TEX2: variants seen among roughly 807,000 people sequenced by gnomAD.
TEX2 encodes testis expressed 2.
Under a neutral mutation model 106.9 loss-of-function variants are expected in TEX2, and 53 were observed. The observed-to-expected ratio is 0.50, with a 90% CI of 0.40 to 0.62. The LOEUF (loss-of-function observed/expected upper bound fraction) is 0.62. Among genes scored for constraint, TEX2 ranks in the 20% least tolerant of loss-of-function variants. The pLI is 0.00. For synonymous variants in TEX2, 523 were observed against 534.8 expected, an observed-to-expected ratio of 0.98 and a Z score of 0.30; for missense variants, 1,207 against 1,379.0, an observed-to-expected ratio of 0.88 and a Z score of 1.98.
rs374473284 is a variant in TEX2 at position 64,148,933 on chromosome 17, C to T, written c.*36G>A. 3.5e-5 allele frequency: 57 copies of T among 1,612,422 alleles called. No individual in the cohort carries two copies. Among genetic ancestry groups the T allele is most frequent in the Admixed American group, 8.3e-5 (5 of 59,936 alleles). On this transcript the variant is annotated 3_prime_UTR_variant, in exon 12 of 12. Transcript: ENST00000584379. ...GGCCAAGAACCCCACACATCCAGCT[C>T]GATGTCACAATATGGGGAACATCTG...
chr17:64,160,945 G>A lies in TEX2; in HGVS notation c.2672-12C>T, dbSNP rs560839965. 5.6e-5 allele frequency: 90 copies of A among 1,601,558 alleles called. No homozygotes were observed. In the South Asian group the frequency reaches 9.3e-4, roughly 17 times the overall value. On this transcript the variant is annotated splice_polypyrimidine_tract_variant and intron_variant, in intron 7 of 11. Transcript: ENST00000584379. ...ATCAATCCAGAGTCCTGGAGAAATGGTGAAAAAACAGAAGGTTTTTTTCCC... is the reference window on the plus strand; with the variant it reads ...ATCAATCCAGAGTCCTGGAGAAATGATGAAAAAACAGAAGGTTTTTTTCCC...
At chr17:64,177,616 C>A in intron 5 of TEX2, 145 bp from the exon 6 acceptor site, 1 of 821,734 alleles carries the variant, frequency 1.2e-6, no homozygotes, top group Non-Finnish European at 1.9e-6. Context: ...ATTACAAGTC[C>A]CACATTGTAT....
intron 2 of TEX2, among the ~76,000 whole-genome samples, chr17:64,207,272 TCTC>T (rs1424713627): frequency 6.6e-6 from 1 of 152,002 alleles, no homozygotes; most frequent in African/African-American, 2.4e-5. Flanking sequence ...AACCACATGG[TCTC>T]CTAAAACAGT....
At chr17:64,243,659 CTT>C (rs1381304275) in intron 1 of TEX2, among the ~76,000 whole-genome samples, 1 of 152,196 alleles carries the variant, frequency 6.6e-6, no homozygotes, top group Non-Finnish European at 1.5e-5. Flanking sequence ...CTCTTCAAAA[CTT>C]TGCATCTTAT....
chr17:64,256,603 A>G (rs1555637774), intron 1 of TEX2, among the ~76,000 whole-genome samples: 1 of 152,114 alleles, frequency 6.6e-6, no homozygotes, highest in African/African-American at 2.4e-5. Context: ...CTTCAGAGGA[A>G]GGAGATTTTA....
chr17:64,211,739 C>T (rs1384076261), intron 2 of TEX2, among the ~76,000 whole-genome samples: 1 of 152,130 alleles, frequency 6.6e-6, no homozygotes, highest in Non-Finnish European at 1.5e-5. Context: ...CCCTTGGATA[C>T]TGTACATAAA....
At chr17:64,207,831 G>A (rs557973002) in intron 2 of TEX2, among the ~76,000 whole-genome samples, 5 of 152,108 alleles carry the variant, frequency 3.3e-5, no homozygotes, top group African/African-American at 9.6e-5. Flanking sequence ...TGCCTCCCGG[G>A]TTCACGCCAT....
chr17:64,248,345 T>C (rs2034028762), intron 1 of TEX2, among the ~76,000 whole-genome samples: 1 of 152,224 alleles, frequency 6.6e-6, no homozygotes, highest in Non-Finnish European at 1.5e-5. Context: ...AGAGTTAAAA[T>C]ACTTGTTTAA....
chr17:64,186,022 T>C (rs1194963629), intron 5 of TEX2, among the ~76,000 whole-genome samples: 2 of 152,172 alleles, frequency 1.3e-5, no homozygotes, highest in Non-Finnish European at 2.9e-5. Context: ...CTGACAGCAA[T>C]GCTGGGCTGT....
chr17:64,241,405 T>C (rs1555635772), intron 1 of TEX2, among the ~76,000 whole-genome samples: 1 of 152,238 alleles, frequency 6.6e-6, no homozygotes, highest in Non-Finnish European at 1.5e-5. Flanking sequence ...AAAAGGACAC[T>C]GACACCAAAG....
chr17:64,192,217 C>T (rs538969802), intron 4 of TEX2, among the ~76,000 whole-genome samples: 1 of 152,304 alleles, frequency 6.6e-6, no homozygotes, highest in Admixed American at 6.5e-5. Flanking sequence ...ATGTTAAAGT[C>T]CTAACCCCAG....
intron 1 of TEX2, among the ~76,000 whole-genome samples, chr17:64,258,505 A>G (rs1555638074): frequency 6.6e-6 from 1 of 152,138 alleles, no homozygotes; most frequent in Non-Finnish European, 1.5e-5. Context: ...AGGGTGGTAT[A>G]AAGTTTAAAG....
At position 64,213,887 on chromosome 17, in the gene TEX2, T is replaced by C. The variant is rs1224884575; in HGVS notation, c.331A>G (p.Lys111Glu). 1 of 1,614,066 alleles carries C rather than the reference T, an allele frequency of 6.2e-7. No homozygotes were observed. The highest frequency in any genetic ancestry group is 2.2e-5 in the East Asian group (1 of 44,894). ...GACTCCAACAGCTTTACAGTGTTCT[T>C]GGAGACGGGCAAAATGGCAGGGGCC... is the stretch of plus-strand genomic sequence containing the variant. ...SQAPAILPVS[K>E]NTVKLLESPV... The change falls in exon 2 of 12, where the codon AAG becomes GAG. Residue 111 changes from lysine to glutamate, a missense_variant. Around this residue, in one of 3 missense-constraint regions of TEX2, gnomAD observed 1,067 missense variants for 1,193.6 expected, o/e 0.89. Coordinates refer to ENST00000584379, the MANE Select transcript of TEX2 (RefSeq NM_001288732.2). The surrounding 1 kb of genome is among the most constrained non-coding windows in gnomAD (Gnocchi z 4.4).
At chr17:64,222,472 C>T (rs1165075692) in intron 1 of TEX2, among the ~76,000 whole-genome samples, 2 of 146,886 alleles carry the variant, frequency 1.4e-5, no homozygotes, top group Admixed American at 6.9e-5. Flanking sequence ...GAGCTGAGAT[C>T]GCGCCACTGC....
chr17:64,218,405 CTTTTTTTTTTTTTTTTTTT>C (rs10526886), intron 1 of TEX2, among the ~76,000 whole-genome samples: 3 of 120,634 alleles, frequency 2.5e-5, no homozygotes, highest in African/African-American at 7.2e-5. Flanking sequence ...GACACTTTCA[CTTTTTTTTTTTTTTTTTTT>C]TTTTTTTTTT....
At chr17:64,170,627 T>TTTTTTC (rs2031343780) in intron 7 of TEX2, among the ~76,000 whole-genome samples, 1 of 119,260 alleles carries the variant, frequency 8.4e-6, no homozygotes, top group Admixed American at 8.8e-5. Flanking sequence ...CAAATCTTTT[T>TTTTTTC]TTTTTTTTTT....
intron 11 of TEX2, 128 bp from the exon 12 acceptor site, chr17:64,149,219 C>G: frequency 1.0e-6 from 1 of 958,894 alleles, no homozygotes; most frequent in Middle Eastern, 2.3e-4. Flanking sequence ...GCTATGCATT[C>G]CAAACTAATT....
At chr17:64,183,150 C>T (rs1451977708) in intron 5 of TEX2, among the ~76,000 whole-genome samples, 2 of 152,220 alleles carry the variant, frequency 1.3e-5, no homozygotes, top group East Asian at 3.9e-4. Flanking sequence ...AAGTAATCCA[C>T]CCACCTCAGC....
intron 1 of TEX2, among the ~76,000 whole-genome samples, chr17:64,255,161 G>A (rs1319563035): frequency 2.0e-5 from 3 of 150,318 alleles, no homozygotes; most frequent in African/African-American, 7.4e-5. Context: ...CACAGCACCT[G>A]GCCTTTAAAA....
Sources: gnomAD v4.1 joint callset for allele counts (sites outside exome capture counted in the v4.1 genomes callset) on GRCh38, gnomAD v4.1.1 for gene constraint, gnomAD v4.1.1 regional missense constraint, Gnocchi (gnomAD v3.1) non-coding constraint, MANE v1.5 for transcripts, NCBI Gene and HGNC (gene_info 2026-07-23, HGNC 2026-07-21) for gene names.